The following DDX10 variants were observed in gnomAD, a reference collection of about 807,000 sequenced individuals.
DDX10 encodes probable ATP-dependent RNA helicase DDX10.
DDX10 carries 74 observed loss-of-function variants against 104.3 expected under a neutral mutation model. The ratio of observed to expected loss-of-function variants is 0.71; its 90% CI spans 0.59 to 0.86. The LOEUF (loss-of-function observed/expected upper bound fraction) is 0.86, where lower values mean the gene tolerates loss of function less well. Ranked by LOEUF, DDX10 falls within the 40% of genes least tolerant of loss-of-function variation. The pLI is 0.00. For missense variants in DDX10, 952 were observed against 1,040.0 expected, an observed-to-expected ratio of 0.92 and a Z score of 1.16; for synonymous variants, 351 against 353.4, an observed-to-expected ratio of 0.99 and a Z score of 0.08.
intron 13 of DDX10, among the ~76,000 whole-genome samples, chr11:108,774,487 A>G (rs569958593): frequency 1.1e-4 from 17 of 152,274 alleles, no homozygotes; most frequent in Non-Finnish European, 1.9e-4. Context: ...TACTCAATAC[A>G]TTATTTTTAG....
intron 17 of DDX10, among the ~76,000 whole-genome samples, chr11:108,934,144 C>G (rs761878216): frequency 6.6e-5 from 10 of 152,120 alleles, no homozygotes; most frequent in Admixed American, 2.6e-4. Flanking sequence ...GGAGCTGGAT[C>G]AGGTGAAGGA....
intron 15 of DDX10, among the ~76,000 whole-genome samples, chr11:108,841,855 T>C (rs910262097): frequency 1.3e-5 from 2 of 152,178 alleles, no homozygotes; most frequent in Non-Finnish European, 2.9e-5. Flanking sequence ...CTATGCAGTA[T>C]GTAGCTTTTT....
At chr11:108,793,676 C>G (rs1861901137) in intron 13 of DDX10, among the ~76,000 whole-genome samples, 1 of 142,464 alleles carries the variant, frequency 7.0e-6, no homozygotes, top group Non-Finnish European at 1.5e-5. Context: ...TTGAAATATA[C>G]AATACATTCT....
chr11:108,838,422 T>G, intron 13 of DDX10, 24 bp from the exon 14 acceptor site: 2 of 1,596,380 alleles, frequency 1.3e-6, no homozygotes, highest in Non-Finnish European at 1.7e-6. Context: ...TAATCATCTG[T>G]GTTTTTTGTA....
chr11:108,788,276 T>G (rs903769960), intron 13 of DDX10, among the ~76,000 whole-genome samples: 1 of 152,200 alleles, frequency 6.6e-6, no homozygotes, highest in Admixed American at 6.5e-5. Context: ...TTAAATGTGA[T>G]GTAAGTTGGG....
chr11:108,777,318 C>CTCTT (rs142134944), intron 13 of DDX10, among the ~76,000 whole-genome samples: 2 of 151,826 alleles, frequency 1.3e-5, no homozygotes, highest in East Asian at 1.9e-4. Flanking sequence ...TTTTTCTTTT[C>CTCTT]TCTTTCTTTC....
intron 6 of DDX10, among the ~76,000 whole-genome samples, chr11:108,682,635 T>C (rs967531499): frequency 2.0e-5 from 3 of 152,222 alleles, no homozygotes; most frequent in African/African-American, 7.2e-5. Flanking sequence ...GTCTTCATTG[T>C]TAAGTATTTT....
intron 17 of DDX10, among the ~76,000 whole-genome samples, chr11:108,932,671 G>C (rs1229684103): frequency 6.6e-6 from 1 of 151,856 alleles, no homozygotes; most frequent in African/African-American, 2.4e-5. Flanking sequence ...TTCTTTCCTG[G>C]ATACCAATGT....
At chr11:108,879,582 T>A (rs1863199941) in intron 16 of DDX10, among the ~76,000 whole-genome samples, 1 of 152,234 alleles carries the variant, frequency 6.6e-6, no homozygotes, top group Non-Finnish European at 1.5e-5. Flanking sequence ...TTGGCCTGGC[T>A]ATTTTGATAC....
At chr11:108,710,027 T>C (rs576494823) in intron 10 of DDX10, among the ~76,000 whole-genome samples, 1 of 152,284 alleles carries the variant, frequency 6.6e-6, no homozygotes, top group East Asian at 1.9e-4. Context: ...CTGAATACTG[T>C]GGGCAATTGA....
intron 16 of DDX10, among the ~76,000 whole-genome samples, chr11:108,885,202 C>T (rs530337368): frequency 3.3e-5 from 5 of 152,122 alleles, no homozygotes; most frequent in African/African-American, 1.2e-4. Flanking sequence ...ATCTTAATGC[C>T]CCCATGTCAC....
Position 108,679,406 on chromosome 11 carries a change from T to C in DDX10, c.694T>C (p.Phe232Leu), listed in dbSNP as rs2094231434. 6.2e-7 allele frequency: 1 copy of C among 1,607,648 alleles called. No homozygotes were observed. Among genetic ancestry groups the C allele is most frequent in the African/African-American group, 1.3e-5 (1 of 74,502 alleles). The change falls in exon 6 of 18, where the codon TTT becomes CTT. Residue 232 changes from phenylalanine to leucine, a missense_variant. Transcript: ENST00000322536. Reference protein sequence around the residue: ...DEADRILDMGFADTMNAVIEN... With the variant: ...DEADRILDMGLADTMNAVIEN... ...AGCAGATAGAATCTTGGATATGGGC[T>C]TTGCTGATACCATGAATGCTGTTAT...
intron 16 of DDX10, among the ~76,000 whole-genome samples, chr11:108,911,556 C>CTTTTTTTTTTTTTT (rs869132450): frequency 1.6e-5 from 1 of 63,690 alleles, no homozygotes. Context: ...GCCTCCTCTT[C>CTTTTTTTTTTTTTT]TTTTTTTTTT....
intron 13 of DDX10, among the ~76,000 whole-genome samples, chr11:108,820,780 C>G (rs1304748330): frequency 3.3e-5 from 5 of 152,148 alleles, no homozygotes; most frequent in Non-Finnish European, 5.9e-5. Flanking sequence ...ACAGTGACTC[C>G]CGGTGTTTTC....
At chr11:108,845,503 A>C (rs1325032906) in intron 15 of DDX10, among the ~76,000 whole-genome samples, 1 of 152,102 alleles carries the variant, frequency 6.6e-6, no homozygotes, top group African/African-American at 2.4e-5. Context: ...TGTTACTTCT[A>C]TGAAAGTATA....
chr11:108,677,611 G>A (rs1187789588), intron 4 of DDX10, among the ~76,000 whole-genome samples: 1 of 151,238 alleles, frequency 6.6e-6, no homozygotes, highest in African/African-American at 2.4e-5. Context: ...TACATCAGCA[G>A]CGTAAGAAAG....
At chr11:108,701,492 G>A (rs1364944287) in intron 9 of DDX10, among the ~76,000 whole-genome samples, 3 of 152,112 alleles carry the variant, frequency 2.0e-5, no homozygotes, top group African/African-American at 7.2e-5. Flanking sequence ...AGTAGTCAGA[G>A]TTGTAGAGTT....
At chr11:108,675,841 T>A in intron 3 of DDX10, 115 bp downstream of exon 3, 2 of 1,350,500 alleles carry the variant, frequency 1.5e-6, no homozygotes, top group Non-Finnish European at 2.0e-6. Flanking sequence ...ATAGATTGGC[T>A]AGAATGCGAG....
chr11:108,931,821 A>G (rs566917754), intron 17 of DDX10, among the ~76,000 whole-genome samples: 1 of 150,114 alleles, frequency 6.7e-6, no homozygotes, highest in African/African-American at 2.5e-5. Flanking sequence ...CTGTGTCTCA[A>G]TGTTATCCAC....
Sources: allele counts gnomAD v4.1 joint callset (sites outside exome capture counted in the v4.1 genomes callset), GRCh38; gene constraint gnomAD v4.1.1; transcripts MANE v1.5; gene names NCBI Gene and HGNC (gene_info 2026-07-23, HGNC 2026-07-21).